The following COL12A1 variants were observed in gnomAD, a reference collection of about 807,000 sequenced individuals.
The protein encoded by COL12A1 is collagen type XII alpha 1 chain, also known as collagen alpha-1(XII) chain.
COL12A1 carries 114 observed loss-of-function variants against 349.7 expected under a neutral mutation model. The observed-to-expected ratio is 0.33, with a 90% CI of 0.28 to 0.38. COL12A1 has a LOEUF of 0.38. Among genes scored for constraint, COL12A1 ranks in the 10% least tolerant of loss-of-function variants. The probability of loss-of-function intolerance (pLI) is 1.00; values close to 1 mark genes in which losing one functional copy is unlikely to be tolerated. For synonymous variants in COL12A1, 1,369 were observed against 1,329.0 expected, an observed-to-expected ratio of 1.03 and a Z score of -0.66; for missense variants, 3,284 against 3,756.9, an observed-to-expected ratio of 0.87 and a Z score of 3.29.
At chr6:75,181,818 G>A (rs1018365448) in intron 10 of COL12A1, among the ~76,000 whole-genome samples, 1 of 151,980 alleles carries the variant, frequency 6.6e-6, no homozygotes, top group African/African-American at 2.4e-5. Context: ...GGAAGGGTAT[G>A]GGGGCTAACG....
intron 13 of COL12A1, among the ~76,000 whole-genome samples, chr6:75,167,838 A>C (rs1768389154): frequency 6.6e-6 from 1 of 152,226 alleles, no homozygotes; most frequent in South Asian, 2.1e-4. Context: ...AATGCAATGA[A>C]GACCTTTCCC....
intron 2 of COL12A1, among the ~76,000 whole-genome samples, chr6:75,200,354 A>G (rs2149490014): frequency 6.6e-6 from 1 of 152,208 alleles, no homozygotes; most frequent in East Asian, 1.9e-4. Flanking sequence ...AGGTGAATCA[A>G]TTGAGGCCAG....
Position 75,134,781 on chromosome 6 carries a change from T to TA in COL12A1, c.5468dup (p.Ser1824IlefsTer6). ...CTTCACCATCAGGATACAGAGAGGATACGGTGATAGTGTAAGGAGTGTCTG... is the reference window on the plus strand; with the variant it reads ...CTTCACCATCAGGATACAGAGAGGATAACGGTGATAGTGTAAGGAGTGTCTG... On this transcript the variant is annotated frameshift_variant, in exon 32 of 66. Coordinates refer to ENST00000322507, the MANE Select transcript of COL12A1 (RefSeq NM_004370.6). LOFTEE classifies it high-confidence loss of function. 1.9e-6 allele frequency: 3 copies of TA among 1,613,352 alleles called. No homozygotes were observed. The highest frequency in any genetic ancestry group is 1.7e-6 in the Non-Finnish European group (2 of 1,179,498).
In COL12A1 at chr6:75,130,160, A is replaced by G. The variant is rs773648194; in HGVS notation, c.6141T>C (p.His2047=). Residue 2047 remains histidine (H), a synonymous_variant, in exon 37 of 66, where the codon CAT becomes CAC. Transcript: ENST00000322507. ...TTNSLSVAWD[H]ADGPVQQYRI... is the part of the protein sequence containing the mutation. The stretch of plus-strand genomic sequence containing the variant: ...TGTACTGCTGAACTGGCCCATCAGC[A>G]TGATCCCAGGCTACCGAGAGGCTAT... 7.4e-6 allele frequency: 12 copies of G among 1,614,012 alleles called. No homozygotes were observed. The highest frequency in any genetic ancestry group is 2.2e-5 in the South Asian group (2 of 91,080).
At chr6:75,137,205 C>A (rs1766656353) in intron 31 of COL12A1, among the ~76,000 whole-genome samples, 1 of 152,078 alleles carries the variant, frequency 6.6e-6, no homozygotes, top group Non-Finnish European at 1.5e-5. Flanking sequence ...ATGCCTCATG[C>A]TTTGGGGCTG....
In COL12A1 at chr6:75,126,341, AC is replaced by A; in HGVS notation, c.6460+9del. On this transcript the variant is annotated intron_variant, in intron 39 of 65. Transcript: ENST00000322507. ...AAAGCATTTCTATGATGACAAAGGC[AC>A]TTCCTTACCCACTGGCTTATATACT... 1 of 1,604,840 alleles carries A rather than the reference AC, an allele frequency of 6.2e-7. No homozygotes were observed. Among genetic ancestry groups the A allele is most frequent in the South Asian group, 1.1e-5 (1 of 90,220 alleles).
At chr6:75,195,977 C>A (rs1770209682) in intron 2 of COL12A1, among the ~76,000 whole-genome samples, 1 of 152,150 alleles carries the variant, frequency 6.6e-6, no homozygotes, top group Non-Finnish European at 1.5e-5. Flanking sequence ...AGTTTACATA[C>A]AAAACTGTAG....
intron 37 of COL12A1, among the ~76,000 whole-genome samples, chr6:75,129,755 A>G (rs913289749): frequency 2.6e-5 from 4 of 152,232 alleles, no homozygotes; most frequent in Admixed American, 6.5e-5. Context: ...ATATTAACTT[A>G]GACATTCCAG....
chr6:75,088,283 G>C (rs939817994), intron 64 of COL12A1, among the ~76,000 whole-genome samples: 11 of 152,228 alleles, frequency 7.2e-5, no homozygotes, highest in Non-Finnish European at 1.2e-4. Flanking sequence ...AAATGCATCA[G>C]ACAGACATGT....
rs1440470491 is a variant in COL12A1 at position 75,183,321 on chromosome 6, A to T, written c.1620T>A (p.Asn540Lys). ...IFVPSKGSRS[N>K]VPKVMILITD... ...TGATAAGAATCATGACCTTTGGCAC[A>T]TTGCTTCTTGATCCCTTGCTAGGCA... The change falls in exon 10 of 66, where the codon AAT becomes AAA. Residue 540 changes from asparagine to lysine, a missense_variant. Asn to Lys is a moderately conservative substitution (Grantham distance 94, BLOSUM62 0). Around this residue, in one of 2 missense-constraint regions of COL12A1, gnomAD observed 2,601 missense variants for 2,824.8 expected, o/e 0.92. Transcript: ENST00000322507. 3 of 1,614,072 alleles carry T rather than the reference A, an allele frequency of 1.9e-6. No individual in the cohort carries two copies. The highest frequency in any genetic ancestry group is 2.7e-5 in the African/African-American group (2 of 74,922).
chr6:75,130,080 A>G lies in COL12A1; in HGVS notation c.6210+11T>C. The G allele has an allele frequency of 3.7e-6, 6 of 1,612,272 alleles. No homozygotes were observed. The highest frequency in any genetic ancestry group is 5.1e-6 in the Non-Finnish European group (6 of 1,179,442). On this transcript the variant is annotated intron_variant, in intron 37 of 65. Transcript: ENST00000322507. ...TGATAAAATGTGCCAATAAATGAGT[A>G]TCAGACTTACATATTCATCAATTGG...
At position 75,147,813 on chromosome 6, in the gene COL12A1, A is replaced by G. The variant is rs1582131968; in HGVS notation, c.4288-9T>C. 40 of 1,610,802 alleles carry G rather than the reference A, an allele frequency of 2.5e-5. No individual in the cohort carries two copies. Among genetic ancestry groups the G allele is most frequent in the Non-Finnish European group, 3.2e-5 (38 of 1,178,788 alleles). On this transcript the variant is annotated splice_polypyrimidine_tract_variant and intron_variant, in intron 22 of 65. Transcript: ENST00000322507. ...ATTCGACTCACATAAAACTAGGGGG[A>G]AAAATTAAACAGAGCAACAACGTAT...
rs774868993 is a variant in COL12A1, at chr6:75,090,065, G to A, written c.8941+45C>T. ...TCAACCTGTCCCAACTCCTACATTT[G>A]CAAATTCCTTCCTTTATCCCAATAC... On this transcript the variant is annotated intron_variant, in intron 63 of 65. Transcript: ENST00000322507. This position sits in a 1 kb window ranked among gnomAD's most constrained non-coding sequence, Gnocchi z 4.1. 7.5e-6 allele frequency: 12 copies of A among 1,600,226 alleles called. No individual in the cohort carries two copies. In the East Asian group the frequency reaches 2.5e-4, roughly 33 times the overall value.
intron 10 of COL12A1, among the ~76,000 whole-genome samples, chr6:75,182,335 T>C (rs1769360021): frequency 6.6e-6 from 1 of 152,034 alleles, no homozygotes; most frequent in Non-Finnish European, 1.5e-5. Context: ...ACATTAGGTA[T>C]TTTTCCTAAT....
In COL12A1 at chr6:75,146,946, A is replaced by G. The variant is rs543712468; in HGVS notation, c.4418-702T>C. Among the ~76,000 whole-genome samples, 23 of 152,346 alleles carry G rather than the reference A, an allele frequency of 1.5e-4. No homozygotes were observed. In the East Asian group the frequency reaches 4.4e-3, roughly 29 times the overall value. ...CATAAAGTCAGTTCTTGCTCTAGAG[A>G]GTGATGCGCACTCCTTCTTCTTAAA... On this transcript the variant is annotated intron_variant, in intron 23 of 65. Coordinates refer to ENST00000322507, the MANE Select transcript of COL12A1 (RefSeq NM_004370.6).
Position 75,191,186 on chromosome 6 carries a change from G to T in COL12A1, c.394+515C>A, listed in dbSNP as rs1769910681. Among the ~76,000 whole-genome samples, 10 of 151,850 alleles carry T rather than the reference G, an allele frequency of 6.6e-5. No individual in the cohort carries two copies. The South Asian group carries it at 2.1e-3, about 31-fold the overall frequency. On this transcript the variant is annotated intron_variant, in intron 5 of 65. Coordinates refer to ENST00000322507, the MANE Select transcript of COL12A1 (RefSeq NM_004370.6). Reference sequence around the variant, plus strand: ...GGTGTGTTACAGAGACTCTCAAAAAGGTTACAACTACCATCAACTAAGGCC... The same window carrying T: ...GGTGTGTTACAGAGACTCTCAAAAATGTTACAACTACCATCAACTAAGGCC...
intron 17 of COL12A1, among the ~76,000 whole-genome samples, chr6:75,153,968 C>T (rs936332248): frequency 2.6e-5 from 4 of 151,908 alleles, no homozygotes; most frequent in Admixed American, 2.0e-4. Flanking sequence ...GAAAACGGTA[C>T]AATATCTACA....
rs543081311 is a variant in COL12A1, at chr6:75,107,669, T to A, written c.8101-1173A>T. ...ATTCTACAATTGATGCTCTTCTTTT[T>A]AGAAATTATTACCAAGTGCTTGACC... is the stretch of plus-strand genomic sequence containing the variant. On this transcript the variant is annotated intron_variant, in intron 52 of 65. Coordinates refer to ENST00000322507, the MANE Select transcript of COL12A1 (RefSeq NM_004370.6). Among the ~76,000 whole-genome samples, 163 of 152,362 alleles carry A rather than the reference T, an allele frequency of 1.1e-3. 1 individual carries two copies. The highest frequency in any genetic ancestry group is 2.9e-3 in the African/African-American group (119 of 41,592).
intron 32 of COL12A1, 106 bp from the exon 33 acceptor site, chr6:75,134,103 G>A (rs560555357): frequency 3.8e-5 from 48 of 1,247,974 alleles, no homozygotes; most frequent in African/African-American, 2.7e-4. Context: ...AGCAGGCACC[G>A]CACAAACATT....
Sources: gnomAD v4.1 joint callset for allele counts (sites outside exome capture counted in the v4.1 genomes callset) on GRCh38, gnomAD v4.1.1 for gene constraint, gnomAD v4.1.1 regional missense constraint, Gnocchi (gnomAD v3.1) non-coding constraint, MANE v1.5 for transcripts, NCBI Gene and HGNC (gene_info 2026-07-23, HGNC 2026-07-21) for gene names.